Variants in PLCL2 observed in about 807,000 individuals in gnomAD.
PLCL2 encodes the protein inactive phospholipase C-like protein 2.
In PLCL2, 4 loss-of-function variants were observed where a neutral mutation model predicts 79.6. That is an observed-to-expected ratio of 0.05 (90% confidence interval 0.02 to 0.11). PLCL2 has a LOEUF of 0.11. PLCL2 is among the 10% of genes least tolerant of loss of function. PLCL2 has a pLI of 1.00. For missense variants in PLCL2, 895 were observed against 1,291.0 expected (o/e 0.69, Z 4.70); for synonymous variants, 484 against 457.7 (o/e 1.06, Z -0.73).
chr3:16,947,826 A>C (rs77751954), intron 1 of PLCL2, among the ~76,000 whole-genome samples: 2,598 of 152,212 alleles, frequency 0.017, 76 homozygotes, highest in African/African-American at 0.058. Context: ...GGTTACAAAA[A>C]CTCATTTCTT....
At chr3:16,914,327 T>C in intron 1 of PLCL2, among the ~76,000 whole-genome samples, 1 of 152,236 alleles carries the variant, frequency 6.6e-6, no homozygotes, top group East Asian at 1.9e-4. Flanking sequence ...ATATTCAATT[T>C]AATTGTCTTA....
intron 1 of PLCL2, among the ~76,000 whole-genome samples, chr3:16,925,444 A>G (rs1320810100): frequency 6.6e-6 from 1 of 152,162 alleles, no homozygotes; most frequent in Non-Finnish European, 1.5e-5. Context: ...AAGGGCATAC[A>G]ATCCATTAGT....
intron 4 of PLCL2, among the ~76,000 whole-genome samples, chr3:17,044,534 T>A (rs969123342): frequency 6.6e-6 from 1 of 152,234 alleles, no homozygotes; most frequent in African/African-American, 2.4e-5. Flanking sequence ...ATTAATGCAT[T>A]CCATCTTGTA....
intron 4 of PLCL2, among the ~76,000 whole-genome samples, chr3:17,057,570 TC>T (rs1341417220): frequency 6.6e-6 from 1 of 152,212 alleles, no homozygotes; most frequent in African/African-American, 2.4e-5. Flanking sequence ...TAGTAAGTTG[TC>T]AAAACAATTA....
intron 5 of PLCL2, among the ~76,000 whole-genome samples, chr3:17,082,374 C>T (rs1163688498): frequency 2.0e-5 from 3 of 151,754 alleles, no homozygotes; most frequent in East Asian, 3.9e-4. Flanking sequence ...TGAGGTGATC[C>T]GCCCGCCTCG....
intron 3 of PLCL2, among the ~76,000 whole-genome samples, chr3:17,027,077 A>G (rs1177947511): frequency 6.6e-6 from 1 of 152,140 alleles, no homozygotes; most frequent in Non-Finnish European, 1.5e-5. Context: ...TTTGTCCAAC[A>G]TATATCGTAA....
At chr3:17,049,748 C>A (rs1235333530) in intron 4 of PLCL2, among the ~76,000 whole-genome samples, 2 of 151,790 alleles carry the variant, frequency 1.3e-5, no homozygotes, top group South Asian at 4.2e-4. Context: ...TTAAAATGTC[C>A]ATACTACCCA....
At chr3:17,041,167 T>C (rs2064717417) in intron 3 of PLCL2, among the ~76,000 whole-genome samples, 1 of 152,244 alleles carries the variant, frequency 6.6e-6, no homozygotes, top group South Asian at 2.1e-4. Flanking sequence ...TCATTTTTAT[T>C]GCTGCCTGTT....
intron 1 of PLCL2, among the ~76,000 whole-genome samples, chr3:16,987,477 C>T (rs1380013436): frequency 2.0e-5 from 3 of 152,066 alleles, no homozygotes; most frequent in Non-Finnish European, 4.4e-5. Flanking sequence ...GATAGATTGT[C>T]AGCAGTATGA....
intron 1 of PLCL2, among the ~76,000 whole-genome samples, chr3:16,952,448 T>C (rs1326631308): frequency 9.8e-6 from 1 of 101,782 alleles, no homozygotes; most frequent in Admixed American, 1.2e-4. Flanking sequence ...GAAATAAAAA[T>C]ACAATCAAAG....
chr3:17,059,378 CAAA>C (rs57060253), intron 4 of PLCL2, among the ~76,000 whole-genome samples: 223 of 111,938 alleles, frequency 2.0e-3, no homozygotes, highest in African/African-American at 3.0e-3. Context: ...GAATCTGTCT[CAAA>C]AAAAAAAAAA....
chr3:16,929,220 G>A (rs532630735), intron 1 of PLCL2, among the ~76,000 whole-genome samples: 24 of 152,220 alleles, frequency 1.6e-4, no homozygotes, highest in Admixed American at 5.2e-4. Flanking sequence ...GGGCTACAGG[G>A]AGGAGGAAAG....
chr3:17,035,674 A>G (rs2064641410), intron 3 of PLCL2: 2 of 430,486 alleles, frequency 4.6e-6, no homozygotes, highest in South Asian at 3.5e-5. Context: ...AAAATTGTCA[A>G]GGGTTTGTGA....
chr3:16,950,556 A>G (rs986356793), intron 1 of PLCL2, among the ~76,000 whole-genome samples: 1 of 149,830 alleles, frequency 6.7e-6, no homozygotes, highest in Non-Finnish European at 1.5e-5. Context: ...TTTATTGCTA[A>G]TATTTGTTTT....
intron 1 of PLCL2, among the ~76,000 whole-genome samples, chr3:16,896,538 T>C (rs1183195393): frequency 6.6e-6 from 1 of 152,232 alleles, no homozygotes; most frequent in Non-Finnish European, 1.5e-5. Flanking sequence ...TATTTGAAAA[T>C]GTGCTGCTCA....
intron 4 of PLCL2, among the ~76,000 whole-genome samples, chr3:17,049,538 G>A (rs1003693649): frequency 6.6e-5 from 10 of 152,056 alleles, no homozygotes; most frequent in African/African-American, 2.4e-4. Flanking sequence ...TGCCAACAGT[G>A]AACAATTTGA....
chr3:17,016,694 T>G (rs1404815643), intron 3 of PLCL2, among the ~76,000 whole-genome samples: 1 of 152,252 alleles, frequency 6.6e-6, no homozygotes, highest in Non-Finnish European at 1.5e-5. Context: ...TCTGAAGATC[T>G]TTTACATGCT....
intron 3 of PLCL2, among the ~76,000 whole-genome samples, chr3:17,021,876 C>A (rs114935061): frequency 0.01 from 1,531 of 152,220 alleles, 30 homozygotes; most frequent in African/African-American, 0.035. Flanking sequence ...TACTAACAGT[C>A]TGATTTAAAA....
At chr3:17,013,713 C>A (rs956359640) in intron 2 of PLCL2, among the ~76,000 whole-genome samples, 9 of 152,224 alleles carry the variant, frequency 5.9e-5, no homozygotes, top group Non-Finnish European at 1.2e-4. Flanking sequence ...CCTAGGTCCA[C>A]CCCCTCTGCC....
Sources: gnomAD v4.1 joint callset for allele counts (sites outside exome capture counted in the v4.1 genomes callset) on GRCh38, gnomAD v4.1.1 for gene constraint, MANE v1.5 for transcripts, NCBI Gene and HGNC (gene_info 2026-07-23, HGNC 2026-07-21) for gene names.